Variants in INPP4B observed in about 807,000 individuals in gnomAD.
INPP4B encodes inositol polyphosphate 4-phosphatase type II.
In INPP4B, 55 loss-of-function variants were observed where a neutral mutation model predicts 122.5. The ratio of observed to expected loss-of-function variants is 0.45; its 90% CI spans 0.36 to 0.56. The LOEUF (loss-of-function observed/expected upper bound fraction) is 0.56, where lower values mean the gene tolerates loss of function less well. Ranked by LOEUF, INPP4B falls within the 20% of genes least tolerant of loss-of-function variation. The pLI, the probability that INPP4B is intolerant of heterozygous loss-of-function variation, is 0.00. For synonymous variants in INPP4B, 403 were observed against 388.7 expected (o/e 1.04, Z -0.43); for missense variants, 1,000 against 1,097.7 (o/e 0.91, Z 1.26).
At chr4:142,588,659 A>T (rs2150235515) in intron 2 of INPP4B, among the ~76,000 whole-genome samples, 1 of 151,530 alleles carries the variant, frequency 6.6e-6, no homozygotes, top group Non-Finnish European at 1.5e-5. Flanking sequence ...TATATGCAGA[A>T]AACTATAAAA....
At chr4:142,160,754 A>G (rs1012346009) in intron 16 of INPP4B, among the ~76,000 whole-genome samples, 193 bp from the exon 17 acceptor site, 1 of 152,014 alleles carries the variant, frequency 6.6e-6, no homozygotes, top group Non-Finnish European at 1.5e-5. Context: ...CAAGGCCTTA[A>G]GTCCTCCTGT....
chr4:142,027,728 T>A lies in INPP4B; in HGVS notation c.*1054A>T, dbSNP rs1219235970. ...TACAAGATGATTTTTTTAAGGAAAC[T>A]TCTACTTTGGGATTTTGGAAAACTT... On this transcript the variant is annotated 3_prime_UTR_variant, in exon 26 of 26. Transcript: ENST00000262992. 6.5e-6 allele frequency: 1 copy of A among 153,102 alleles called. No individual in the cohort carries two copies. Among genetic ancestry groups the A allele is most frequent in the African/African-American group, 2.4e-5 (1 of 41,482 alleles). The allele number at this position is 153,102 out of a possible 1,614,324, so 9.5% of individuals were successfully genotyped here.
intron 2 of INPP4B, among the ~76,000 whole-genome samples, chr4:142,623,001 C>A (rs1172279803): frequency 6.6e-6 from 1 of 151,926 alleles, no homozygotes; most frequent in African/African-American, 2.4e-5. Context: ...GCCCTTAACA[C>A]TCCTCTATAG....
chr4:142,700,720 TA>T (rs1307438447), intron 2 of INPP4B, among the ~76,000 whole-genome samples: 1 of 152,124 alleles, frequency 6.6e-6, no homozygotes, highest in Non-Finnish European at 1.5e-5. Flanking sequence ...TCTCAGATTA[TA>T]ATCTTTTCTT....
intron 2 of INPP4B, among the ~76,000 whole-genome samples, chr4:142,510,542 T>C (rs1484572570): frequency 6.6e-6 from 1 of 152,230 alleles, no homozygotes; most frequent in Non-Finnish European, 1.5e-5. Context: ...TGAAAACCTG[T>C]ATCAGGATAA....
intron 2 of INPP4B, among the ~76,000 whole-genome samples, chr4:142,612,991 A>G (rs1387727342): frequency 6.6e-6 from 1 of 152,204 alleles, no homozygotes; most frequent in Non-Finnish European, 1.5e-5. Flanking sequence ...AGTGCCATAT[A>G]GAAAACTTCC....
chr4:142,147,014 C>A (rs1013996995), intron 17 of INPP4B, among the ~76,000 whole-genome samples: 1 of 152,164 alleles, frequency 6.6e-6, no homozygotes, highest in Non-Finnish European at 1.5e-5. Context: ...AGACGACTGC[C>A]ATTCCTCACT....
At chr4:142,429,950 G>A (rs908055044) in intron 4 of INPP4B, among the ~76,000 whole-genome samples, 1 of 152,050 alleles carries the variant, frequency 6.6e-6, no homozygotes. Flanking sequence ...TGGATGACTG[G>A]ATGTATGAAC....
chr4:142,569,275 C>T (rs1732298800), intron 2 of INPP4B, among the ~76,000 whole-genome samples: 1 of 150,852 alleles, frequency 6.6e-6, no homozygotes, highest in African/African-American at 2.4e-5. Context: ...AAATATCTAC[C>T]ACTGCAAATA....
intron 2 of INPP4B, among the ~76,000 whole-genome samples, chr4:142,628,881 C>A (rs1747232272): frequency 6.6e-6 from 1 of 152,022 alleles, no homozygotes; most frequent in Non-Finnish European, 1.5e-5. Context: ...AATAAAGTAT[C>A]ATAGATAACA....
intron 1 of INPP4B, among the ~76,000 whole-genome samples, chr4:142,763,893 T>A (rs976418878): frequency 6.6e-5 from 10 of 152,106 alleles, no homozygotes; most frequent in Non-Finnish European, 1.5e-4. Flanking sequence ...TAAGCTCTCA[T>A]AAAATTGAAA....
In INPP4B at chr4:142,565,708, T is replaced by C. The variant is rs560217151; in HGVS notation, c.-190-102982A>G. 7.2e-5 allele frequency among the ~76,000 whole-genome samples: 11 copies of C among 152,258 alleles called. No individual in the cohort carries two copies. The South Asian group carries it at 1.0e-3, about 14-fold the overall frequency. ...AAATTATTTTCCCATGAGATACTTA[T>C]AGAGTACAAAGAAATATAGTGCCTT... is the stretch of plus-strand genomic sequence containing the variant. On this transcript the variant is annotated intron_variant, in intron 2 of 25. Coordinates refer to ENST00000262992, the MANE Select transcript of INPP4B (RefSeq NM_001101669.3).
intron 2 of INPP4B, among the ~76,000 whole-genome samples, chr4:142,653,251 A>C (rs1580630907): frequency 6.6e-6 from 1 of 152,260 alleles, no homozygotes; most frequent in Admixed American, 6.5e-5. Flanking sequence ...TAAATGTTAC[A>C]CCTAAAGCCA....
At chr4:142,250,319 C>T (rs563739561) in intron 11 of INPP4B, among the ~76,000 whole-genome samples, 34 of 152,244 alleles carry the variant, frequency 2.2e-4, no homozygotes, top group African/African-American at 7.2e-4. Context: ...ATACCAAAAT[C>T]GCTAGAGATG....
chr4:142,254,575 G>A (rs1038549636), intron 11 of INPP4B, among the ~76,000 whole-genome samples: 5 of 152,180 alleles, frequency 3.3e-5, no homozygotes, highest in South Asian at 2.1e-4. Flanking sequence ...CTCATGAGCC[G>A]AGGAGATCAA....
intron 2 of INPP4B, among the ~76,000 whole-genome samples, chr4:142,537,740 AGTGTGTGT>A (rs72363974): frequency 0.015 from 2,260 of 146,858 alleles, 25 homozygotes; most frequent in African/African-American, 0.03. Context: ...TGTGTATATG[AGTGTGTGT>A]GTGTGTGTGT....
At chr4:142,659,384 C>A (rs570586644) in intron 2 of INPP4B, among the ~76,000 whole-genome samples, 1 of 150,280 alleles carries the variant, frequency 6.7e-6, no homozygotes, top group Admixed American at 6.6e-5. Context: ...CCAACCTGGG[C>A]GACAGAGTGA....
intron 9 of INPP4B, among the ~76,000 whole-genome samples, chr4:142,300,845 A>G (rs928562329): frequency 1.3e-5 from 2 of 152,182 alleles, no homozygotes; most frequent in African/African-American, 2.4e-5. Flanking sequence ...GAAGTAATAA[A>G]TGAAAAGCAT....
intron 2 of INPP4B, among the ~76,000 whole-genome samples, chr4:142,553,732 A>G (rs1728497262): frequency 6.6e-6 from 1 of 152,014 alleles, no homozygotes; most frequent in Admixed American, 6.6e-5. Flanking sequence ...CTTACTCCCC[A>G]TTGGTGTTTC....
Sources: gnomAD v4.1 joint callset for allele counts (sites outside exome capture counted in the v4.1 genomes callset) on GRCh38, gnomAD v4.1.1 for gene constraint, MANE v1.5 for transcripts, NCBI Gene and HGNC (gene_info 2026-07-23, HGNC 2026-07-21) for gene names.